Variants in PLXNA2 observed in about 807,000 individuals in gnomAD.
The protein encoded by PLXNA2 is plexin A2, also known as plexin-A2.
In PLXNA2, 91 loss-of-function variants were observed where a neutral mutation model predicts 193.5. The observed-to-expected ratio is 0.47, with a 90% CI of 0.40 to 0.56. The LOEUF (loss-of-function observed/expected upper bound fraction) is 0.56, where lower values mean the gene tolerates loss of function less well. Among genes scored for constraint, PLXNA2 ranks in the 20% least tolerant of loss-of-function variants. The probability of loss-of-function intolerance (pLI) is 0.00; values close to 1 mark genes in which losing one functional copy is unlikely to be tolerated. For missense variants in PLXNA2, 1,995 were observed against 2,503.2 expected (o/e 0.80, Z 4.33); for synonymous variants, 997 against 1,027.3 (o/e 0.97, Z 0.56).
intron 14 of PLXNA2, 87 bp from the exon 15 acceptor site, chr1:208,052,550 T>G (rs1665298951): frequency 5.1e-6 from 7 of 1,376,308 alleles, no homozygotes; most frequent in Middle Eastern, 3.6e-4. Context: ...GGAGAGATTG[T>G]TTTCATTCTG....
At chr1:208,144,141 G>A (rs1668537962) in intron 3 of PLXNA2, among the ~76,000 whole-genome samples, 1 of 152,092 alleles carries the variant, frequency 6.6e-6, no homozygotes, top group African/African-American at 2.4e-5. Context: ...TTCTCCCTCT[G>A]CCTGTTTCTC....
chr1:208,194,780 G>A (rs916086476), intron 3 of PLXNA2, among the ~76,000 whole-genome samples: 20 of 152,082 alleles, frequency 1.3e-4, no homozygotes, highest in African/African-American at 2.4e-4. Context: ...ATGCTGTTTC[G>A]TGTGTGTAGG....
At chr1:208,184,232 C>A (rs531922501) in intron 3 of PLXNA2, among the ~76,000 whole-genome samples, 2 of 152,036 alleles carry the variant, frequency 1.3e-5, no homozygotes, top group Non-Finnish European at 2.9e-5. Flanking sequence ...AGGGAAGGGA[C>A]GGGTAAGAAT....
At chr1:208,103,044 G>C in intron 5 of PLXNA2, 103 bp downstream of exon 5, 3 of 694,024 alleles carry the variant, frequency 4.3e-6, no homozygotes, top group Non-Finnish European at 7.2e-6. Context: ...CTGCTCTGAA[G>C]AGGACAATTC....
chr1:208,059,720 G>A (rs1374250892), intron 13 of PLXNA2, among the ~76,000 whole-genome samples: 2 of 152,326 alleles, frequency 1.3e-5, no homozygotes, highest in Middle Eastern at 3.4e-3. Context: ...TTTGCAGAAT[G>A]ATGATAACAA....
intron 29 of PLXNA2, chr1:208,030,317 A>G: frequency 1.0e-6 from 1 of 985,410 alleles, no homozygotes; most frequent in Non-Finnish European, 1.2e-6. Flanking sequence ...GTCCATTTCT[A>G]TTACTTGGAT....
intron 3 of PLXNA2, among the ~76,000 whole-genome samples, chr1:208,204,574 G>A (rs748862970): frequency 6.6e-6 from 1 of 151,916 alleles, no homozygotes; most frequent in Non-Finnish European, 1.5e-5. Flanking sequence ...TCCTTCCTTC[G>A]CAACCAACCA....
chr1:208,231,664 T>C (rs966705221), intron 1 of PLXNA2, among the ~76,000 whole-genome samples: 2 of 152,238 alleles, frequency 1.3e-5, no homozygotes, highest in Non-Finnish European at 2.9e-5. Context: ...AAATTTCACA[T>C]GCATCATCCC....
intron 26 of PLXNA2, among the ~76,000 whole-genome samples, chr1:208,035,485 G>A (rs1664642544): frequency 6.6e-6 from 1 of 152,110 alleles, no homozygotes; most frequent in African/African-American, 2.4e-5. Flanking sequence ...CTCTATGAGG[G>A]TACCCCAGCT....
chr1:208,182,064 G>GCTCAT (rs1450473480), intron 3 of PLXNA2, among the ~76,000 whole-genome samples: 4 of 151,912 alleles, frequency 2.6e-5, no homozygotes, highest in African/African-American at 7.3e-5. Context: ...GCTCAGCTCA[G>GCTCAT]CTCCAGAGCT....
intron 3 of PLXNA2, among the ~76,000 whole-genome samples, chr1:208,209,164 C>T (rs1468719512): frequency 2.0e-5 from 3 of 152,160 alleles, no homozygotes; most frequent in Admixed American, 2.0e-4. Flanking sequence ...TCTTTGGTAT[C>T]ATGAGAACCA....
intron 7 of PLXNA2, 47 bp from the exon 8 acceptor site, chr1:208,096,172 G>T (rs1666879721): frequency 7.3e-7 from 1 of 1,368,538 alleles, no homozygotes; most frequent in African/African-American, 1.4e-5. Flanking sequence ...CAACGTGGGG[G>T]ACCCAGTGGA....
chr1:208,099,517 T>C (rs143332265), intron 5 of PLXNA2, among the ~76,000 whole-genome samples: 2,411 of 152,278 alleles, frequency 0.016, 41 homozygotes, highest in Non-Finnish European at 0.026. Flanking sequence ...GAATCAGCCT[T>C]ATGTTCCCTG....
Position 208,082,472 on chromosome 1 carries a change from C to T in PLXNA2, c.2335G>A (p.Val779Met), listed in dbSNP as rs200900857. Residue 779 changes from valine to methionine, a missense_variant, in exon 11 of 32, where the codon GTG becomes ATG. Coordinates refer to ENST00000367033, the MANE Select transcript of PLXNA2 (RefSeq NM_025179.4). The surrounding 1 kb of genome is among the most constrained non-coding windows in gnomAD (Gnocchi z 4.2). ...YDGMDISNLAVDFAVVWNGNF... is the reference protein window; with the variant it reads ...YDGMDISNLAMDFAVVWNGNF... ...CCGTTCCACACCACAGCGAAATCCA[C>T]GGCCAGATTGCTGATGTCCATGCCA... 190 of 1,614,072 alleles carry T rather than the reference C, an allele frequency of 1.2e-4. No individual in the cohort carries two copies. The highest frequency in any genetic ancestry group is 1.7e-4 in the Middle Eastern group (1 of 6,060).
intron 4 of PLXNA2, among the ~76,000 whole-genome samples, chr1:208,136,229 C>T (rs1227639489): frequency 1.3e-5 from 2 of 152,178 alleles, no homozygotes; most frequent in Admixed American, 6.5e-5. Flanking sequence ...TTCAGTGCAC[C>T]GTATCTGAAT....
chr1:208,195,792 T>C (rs1412553322), intron 3 of PLXNA2, among the ~76,000 whole-genome samples: 1 of 152,070 alleles, frequency 6.6e-6, no homozygotes, highest in Non-Finnish European at 1.5e-5. Flanking sequence ...ACAGATTTTT[T>C]ATTTCTTTGA....
intron 3 of PLXNA2, among the ~76,000 whole-genome samples, chr1:208,192,119 G>A (rs1203227413): frequency 6.6e-6 from 1 of 152,134 alleles, no homozygotes; most frequent in African/African-American, 2.4e-5. Flanking sequence ...TGCCTGATTT[G>A]GTGTCACAAC....
chr1:208,051,375 G>T lies in PLXNA2; in HGVS notation c.3042C>A (p.Gly1014=). ...TCACAGAAACAGGGACCGGGCCAAG[G>T]CCATTGGATGATGGGGGTGAGACAC... The part of the protein sequence containing the change: ...IVCVSPPSSN[G]LGPVPVSVSV... Residue 1014 remains glycine, a synonymous_variant, in exon 16 of 32, where the codon GGC becomes GGA. Coordinates refer to ENST00000367033, the MANE Select transcript of PLXNA2 (RefSeq NM_025179.4). 5 of 1,612,998 alleles carry T rather than the reference G, an allele frequency of 3.1e-6. No individual in the cohort carries two copies. Among genetic ancestry groups the T allele is most frequent in the Non-Finnish European group, 4.2e-6 (5 of 1,179,716 alleles).
At chr1:208,118,674 C>A (rs1042536198) in intron 4 of PLXNA2, among the ~76,000 whole-genome samples, 1 of 151,990 alleles carries the variant, frequency 6.6e-6, no homozygotes, top group African/African-American at 2.4e-5. Context: ...CAAATGTAAC[C>A]AATGTCATCG....
Sources: gnomAD v4.1 joint callset for allele counts (sites outside exome capture counted in the v4.1 genomes callset) on GRCh38, gnomAD v4.1.1 for gene constraint, Gnocchi (gnomAD v3.1) non-coding constraint, MANE v1.5 for transcripts, NCBI Gene and HGNC (gene_info 2026-07-23, HGNC 2026-07-21) for gene names.